The following PCBD2 variants were observed in gnomAD, a reference collection of about 807,000 sequenced individuals.
PCBD2 encodes pterin-4-alpha-carbinolamine dehydratase 2.
Under a neutral mutation model 16.4 loss-of-function variants are expected in PCBD2, and 12 were observed. The observed-to-expected ratio is 0.73, with a 90% CI of 0.47 to 1.19. The LOEUF (loss-of-function observed/expected upper bound fraction) is 1.19. Among genes scored for constraint, PCBD2 ranks in the 50% most tolerant of loss-of-function variants. PCBD2 has a pLI of 0.00. For missense variants in PCBD2, 138 were observed against 156.8 expected, an observed-to-expected ratio of 0.88 and a Z score of 0.64; for synonymous variants, 58 against 61.8, an observed-to-expected ratio of 0.94 and a Z score of 0.29.
Position 134,907,704 on chromosome 5 carries a change from C to T in PCBD2, c.84+2481C>T, listed in dbSNP as rs553895089. The stretch of plus-strand genomic sequence containing the variant: ...GTGGCACGATCTCGGCTCACTGCAA[C>T]CTCTATCATCCGGGTTCAAATGATT... On this transcript the variant is annotated intron_variant, in intron 1 of 3. Coordinates refer to ENST00000254908, the MANE Select transcript of PCBD2 (RefSeq NM_032151.5). Among the ~76,000 whole-genome samples the T allele has an allele frequency of 2.8e-5, 4 of 145,454 alleles. No individual in the cohort carries two copies. The East Asian group carries it at 6.4e-4, about 23-fold the overall frequency.
At chr5:134,929,411 T>C (rs1751065578) in intron 2 of PCBD2, among the ~76,000 whole-genome samples, 1 of 147,698 alleles carries the variant, frequency 6.8e-6, no homozygotes, top group Non-Finnish European at 1.5e-5. Context: ...CAAAAGAAGA[T>C]GGTGTTTCAA....
chr5:134,940,924 A>T lies in PCBD2; in HGVS notation c.217-18116A>T, dbSNP rs556034982. ...GAAGGTGGATCATGAGGTCGAGACC[A>T]TCCTGGCCAACACGGTGAAATCCCG... On this transcript the variant is annotated intron_variant, in intron 2 of 3. Coordinates refer to ENST00000254908, the MANE Select transcript of PCBD2 (RefSeq NM_032151.5). 5.9e-5 allele frequency among the ~76,000 whole-genome samples: 9 copies of T among 152,238 alleles called. No homozygotes were observed. The East Asian group carries it at 1.4e-3, about 23-fold the overall frequency.
intron 1 of PCBD2, among the ~76,000 whole-genome samples, chr5:134,907,028 G>A (rs1750699916): frequency 6.6e-6 from 1 of 152,166 alleles, no homozygotes; most frequent in Non-Finnish European, 1.5e-5. Flanking sequence ...GTCTGTTGTG[G>A]GCATAAAGTG....
chr5:134,955,198 A>T (rs1289839159), intron 2 of PCBD2, among the ~76,000 whole-genome samples: 2 of 145,718 alleles, frequency 1.4e-5, no homozygotes, highest in Non-Finnish European at 3.0e-5. Flanking sequence ...TGGAAAACTT[A>T]TTTTTTTTTT....
intron 2 of PCBD2, among the ~76,000 whole-genome samples, chr5:134,951,539 C>G (rs1337644259): frequency 2.0e-5 from 3 of 152,168 alleles, no homozygotes; most frequent in African/African-American, 7.2e-5. Context: ...ATTGTTTGGT[C>G]TAAAGGCATG....
At chr5:134,919,683 G>A (rs1384644481) in intron 2 of PCBD2, among the ~76,000 whole-genome samples, 1 of 152,166 alleles carries the variant, frequency 6.6e-6, no homozygotes, top group Non-Finnish European at 1.5e-5. Flanking sequence ...GCTTAAATAG[G>A]TTGACTGTGA....
In PCBD2 at chr5:134,936,018, T is replaced by G. The variant is rs141156332; in HGVS notation, c.217-23022T>G. On this transcript the variant is annotated intron_variant, in intron 2 of 3. Coordinates refer to ENST00000254908, the MANE Select transcript of PCBD2 (RefSeq NM_032151.5). ...CCAAGAATTATTATGCTGAAAATGTTGTGGTGATAGAAAAAAGATGATTAG... is the reference window on the plus strand; with the variant it reads ...CCAAGAATTATTATGCTGAAAATGTGGTGGTGATAGAAAAAAGATGATTAG... Among the ~76,000 whole-genome samples, 517 of 152,312 alleles carry G rather than the reference T, an allele frequency of 3.4e-3. 4 individuals carry two copies. The highest frequency in any genetic ancestry group is 0.012 in the African/African-American group (500 of 41,568).
intron 2 of PCBD2, chr5:134,928,087 T>C (rs1184254702): frequency 2.5e-6 from 1 of 393,822 alleles, no homozygotes; most frequent in East Asian, 3.6e-5. Flanking sequence ...TGTTGGAGAT[T>C]GAGACTAGTA....
rs1245691074 is a variant in PCBD2, at chr5:134,906,297, G to A, written c.84+1074G>A. 3.0e-5 allele frequency among the ~76,000 whole-genome samples: 4 copies of A among 134,194 alleles called. No homozygotes were observed. In the Admixed American group the frequency reaches 3.6e-4, roughly 12 times the overall value. The allele number at this position is 134,194 out of a possible 152,430, so 88.0% of individuals were successfully genotyped here. A position where few individuals can be genotyped will look rare whatever the true frequency, so the allele number is the denominator to read the frequency against. ...CGGCGTATTGCAAGCTCCGCCTCCCGGGTTCACGCCATTTTCCTGCCTCAG... is the reference window on the plus strand; with the variant it reads ...CGGCGTATTGCAAGCTCCGCCTCCCAGGTTCACGCCATTTTCCTGCCTCAG... On this transcript the variant is annotated intron_variant, in intron 1 of 3. Transcript: ENST00000254908.
chr5:134,939,960 T>C (rs975353951), intron 2 of PCBD2, among the ~76,000 whole-genome samples: 2 of 151,158 alleles, frequency 1.3e-5, no homozygotes, highest in African/African-American at 4.9e-5. Flanking sequence ...ACCAGGAACA[T>C]GGCACTTTTT....
intron 2 of PCBD2, among the ~76,000 whole-genome samples, chr5:134,912,258 A>T (rs1386209685): frequency 5.9e-5 from 9 of 152,212 alleles, no homozygotes; most frequent in African/African-American, 2.2e-4. Context: ...CTGAGATTAT[A>T]TCCGGGGGTC....
rs543714266 is a variant in PCBD2, at chr5:134,961,749, A to G, written c.*1068A>G. Among the ~76,000 whole-genome samples, 1 of 151,916 alleles carries G rather than the reference A, an allele frequency of 6.6e-6. No individual in the cohort carries two copies. Among genetic ancestry groups the G allele is most frequent in the South Asian group, 2.1e-4 (1 of 4,806 alleles). ...GACAGATAGTGAGTTTTAACTTTAAATAACAATTCTTCTTTTGTTTTGTTT... is the reference window on the plus strand; with the variant it reads ...GACAGATAGTGAGTTTTAACTTTAAGTAACAATTCTTCTTTTGTTTTGTTT... On this transcript the variant is annotated 3_prime_UTR_variant, in exon 4 of 4. Transcript: ENST00000254908.
intron 2 of PCBD2, among the ~76,000 whole-genome samples, chr5:134,948,022 A>G (rs1475561156): frequency 6.6e-6 from 1 of 152,208 alleles, no homozygotes; most frequent in Non-Finnish European, 1.5e-5. Flanking sequence ...GCCCCAGTGA[A>G]TTGCAAAGCA....
At chr5:134,933,591 G>A (rs1464723574) in intron 2 of PCBD2, among the ~76,000 whole-genome samples, 1 of 152,136 alleles carries the variant, frequency 6.6e-6, no homozygotes, top group Non-Finnish European at 1.5e-5. Flanking sequence ...GAACAAAAAA[G>A]CCATATTTAA....
chr5:134,932,850 A>C (rs529062948), intron 2 of PCBD2, among the ~76,000 whole-genome samples: 26 of 151,934 alleles, frequency 1.7e-4, no homozygotes, highest in African/African-American at 5.8e-4. Context: ...CCATTTTTCT[A>C]TGTGTTTAAA....
intron 2 of PCBD2, among the ~76,000 whole-genome samples, chr5:134,938,326 G>C (rs933588497): frequency 6.6e-6 from 1 of 152,124 alleles, no homozygotes; most frequent in Non-Finnish European, 1.5e-5. Context: ...ATGCCTCTTT[G>C]CCTCCCTTTT....
At chr5:134,938,847 A>C (rs570845738) in intron 2 of PCBD2, among the ~76,000 whole-genome samples, 6 of 152,230 alleles carry the variant, frequency 3.9e-5, no homozygotes, top group Non-Finnish European at 7.3e-5. Flanking sequence ...TTACTAACTC[A>C]TAAAGTTACA....
chr5:134,926,555 G>A (rs956688864), intron 2 of PCBD2: 1 of 395,720 alleles, frequency 2.5e-6, no homozygotes, highest in Non-Finnish European at 4.5e-6. Context: ...TGTTAGACAT[G>A]GGGATATGAG....
intron 2 of PCBD2, among the ~76,000 whole-genome samples, 172 bp downstream of exon 2, chr5:134,910,638 C>T (rs1246022805): frequency 6.6e-6 from 1 of 152,204 alleles, no homozygotes; most frequent in Non-Finnish European, 1.5e-5. Flanking sequence ...CTACCACCCA[C>T]CTGGGTGGTG....
Sources: gnomAD v4.1 joint callset for allele counts (sites outside exome capture counted in the v4.1 genomes callset) on GRCh38, gnomAD v4.1.1 for gene constraint, MANE v1.5 for transcripts, NCBI Gene and HGNC (gene_info 2026-07-23, HGNC 2026-07-21) for gene names.